The following PIP5K1A variants were observed in gnomAD, a reference collection of about 807,000 sequenced individuals.
The protein encoded by PIP5K1A is phosphatidylinositol 4-phosphate 5-kinase type-1 alpha.
In PIP5K1A, 46 loss-of-function variants were observed where a neutral mutation model predicts 72.9. The ratio of observed to expected loss-of-function variants is 0.63; its 90% CI spans 0.50 to 0.81. The LOEUF is 0.81. PIP5K1A is among the 30% of genes least tolerant of loss of function. The pLI, the probability that PIP5K1A is intolerant of heterozygous loss-of-function variation, is 0.00. For synonymous variants in PIP5K1A, 228 were observed against 255.1 expected (o/e 0.89, Z 1.01); for missense variants, 458 against 706.1 (o/e 0.65, Z 3.98).
chr1:151,199,149 A>AG (rs1684835794), intron 1 of PIP5K1A, 68 bp downstream of exon 1: 1 of 1,610,112 alleles, frequency 6.2e-7, no homozygotes, highest in Admixed American at 1.7e-5. Flanking sequence ...GCGAGACCTA[A>AG]GAGGGTACCT....
chr1:151,229,610 C>G (rs922924085), intron 4 of PIP5K1A, among the ~76,000 whole-genome samples: 5 of 151,396 alleles, frequency 3.3e-5, no homozygotes, highest in Non-Finnish European at 1.5e-5. Context: ...ATCTGCCTGT[C>G]TCGGCCTCCC....
At chr1:151,236,820 TC>T (rs372155760) in intron 9 of PIP5K1A, 57 bp downstream of exon 9, 100 of 916,474 alleles carry the variant, frequency 1.1e-4, no homozygotes, top group Non-Finnish European at 1.2e-4. Context: ...ACTTTTCTTT[TC>T]TTTTTTTTTT....
intron 1 of PIP5K1A, among the ~76,000 whole-genome samples, chr1:151,212,606 C>T (rs1052725596): frequency 6.6e-5 from 10 of 151,470 alleles, no homozygotes; most frequent in East Asian, 1.9e-4. Flanking sequence ...GACGGAGTCT[C>T]GCTCTGTCGC....
intron 14 of PIP5K1A, among the ~76,000 whole-genome samples, chr1:151,244,656 A>T (rs1383967983): frequency 6.6e-6 from 1 of 152,172 alleles, no homozygotes; most frequent in South Asian, 2.1e-4. Context: ...ACCCTGTCTC[A>T]AAAGAAAAAT....
chr1:151,230,594 T>C (rs888682438), intron 4 of PIP5K1A, among the ~76,000 whole-genome samples: 1 of 152,200 alleles, frequency 6.6e-6, no homozygotes, highest in African/African-American at 2.4e-5. Context: ...CAGGCTGGAA[T>C]GCAGTGGTGT....
Position 151,236,747 on chromosome 1 carries a change from A to G in PIP5K1A, c.1129A>G (p.Met377Val), listed in dbSNP as rs763740355. 5 of 1,612,188 alleles carry G rather than the reference A, an allele frequency of 3.1e-6. No individual in the cohort carries two copies. The highest frequency in any genetic ancestry group is 1.3e-5 in the African/African-American group (1 of 74,630). Residue 377 changes from methionine to valine, a missense_variant, in exon 9 of 16, where the codon ATG becomes GTG. By Grantham distance (21) the Met-to-Val change is conservative (BLOSUM62 1). Transcript: ENST00000368888. The stretch of plus-strand genomic sequence containing the variant: ...GGGAGAGGCTCGACGGGGTGGTACC[A>G]TGGAGACTGATGACCAGTAAGTGGG... Reference protein sequence around the residue: ...IQGEARRGGTMETDDHMGGIP... With the variant: ...IQGEARRGGTVETDDHMGGIP...
chr1:151,229,666 G>T (rs1570928607), intron 4 of PIP5K1A, among the ~76,000 whole-genome samples: 1 of 150,688 alleles, frequency 6.6e-6, no homozygotes, highest in East Asian at 2.0e-4. Flanking sequence ...CGGCCATTTA[G>T]CTCTTTTTAT....
chr1:151,224,148 T>TA (rs1688780278), intron 1 of PIP5K1A, 97 bp from the exon 2 acceptor site: 2 of 1,075,976 alleles, frequency 1.9e-6, no homozygotes, highest in South Asian at 2.5e-5. Flanking sequence ...AGTTTATACT[T>TA]ATGTTTAGTT....
chr1:151,226,591 T>A (rs1300923591), intron 3 of PIP5K1A, among the ~76,000 whole-genome samples: 2 of 151,284 alleles, frequency 1.3e-5, no homozygotes, highest in African/African-American at 2.4e-5. Flanking sequence ...TGCATTCCTG[T>A]AATCTCAGCT....
rs1318974667 is a variant in PIP5K1A at position 151,232,534 on chromosome 1, TTC to T, written c.487-13_487-12del. 3.1e-6 allele frequency: 5 copies of T among 1,592,266 alleles called. No individual in the cohort carries two copies. The African/African-American group carries it at 5.4e-5, about 17-fold the overall frequency. ...CTGATGTGTCTAAATCTCTTAGTTCTTCTCTGTTTGCCCCAGTATTCCCTCTG... is the reference window on the plus strand; with the variant it reads ...CTGATGTGTCTAAATCTCTTAGTTCTTCTGTTTGCCCCAGTATTCCCTCTG... On this transcript the variant is annotated splice_polypyrimidine_tract_variant and intron_variant, in intron 6 of 15. Transcript: ENST00000368888.
At chr1:151,226,748 C>T (rs1229908791) in intron 3 of PIP5K1A, among the ~76,000 whole-genome samples, 2 of 140,182 alleles carry the variant, frequency 1.4e-5, no homozygotes, top group African/African-American at 5.3e-5. Context: ...ATTTTCTGGC[C>T]GGGCATGGTG....
At chr1:151,201,876 G>A (rs1032062761) in intron 1 of PIP5K1A, among the ~76,000 whole-genome samples, 3 of 151,924 alleles carry the variant, frequency 2.0e-5, no homozygotes, top group African/African-American at 7.2e-5. Context: ...CAAAAAAAAG[G>A]GGGCAAAAAG....
intron 1 of PIP5K1A, among the ~76,000 whole-genome samples, chr1:151,217,474 C>G (rs1253475951): frequency 3.3e-5 from 5 of 152,184 alleles, no homozygotes; most frequent in Non-Finnish European, 5.9e-5. Flanking sequence ...AAGGAAACTT[C>G]TCCTTCTGAC....
Position 151,224,226 on chromosome 1 carries a change from G to GTT in PIP5K1A, c.86-11_86-10dup. 1.3e-6 allele frequency: 2 copies of GTT among 1,594,128 alleles called. No homozygotes were observed. The highest frequency in any genetic ancestry group is 1.7e-6 in the Non-Finnish European group (2 of 1,163,240). ...GAGTGTGTGATACACTCTTATGATT[G>GTT]TTTTTTTTTCCCCCCTAGCAGCATC... On this transcript the variant is annotated intron_variant, in intron 1 of 15. Transcript: ENST00000368888.
chr1:151,246,068 G>A (rs1275732827), intron 14 of PIP5K1A, among the ~76,000 whole-genome samples: 1 of 152,034 alleles, frequency 6.6e-6, no homozygotes, highest in African/African-American at 2.4e-5. Context: ...CCAACATGAT[G>A]AAACCCCATC....
chr1:151,203,660 C>T (rs893072699), intron 1 of PIP5K1A, among the ~76,000 whole-genome samples: 1 of 151,768 alleles, frequency 6.6e-6, no homozygotes, highest in African/African-American at 2.4e-5. Context: ...CCCGTCTCTA[C>T]TAAAAATACA....
Position 151,240,009 on chromosome 1 carries a change from A to C in PIP5K1A, c.1333A>C (p.Met445Leu), listed in dbSNP as rs944396523. 1.2e-6 allele frequency: 2 copies of C among 1,612,764 alleles called. No individual in the cohort carries two copies. The highest frequency in any genetic ancestry group is 1.7e-6 in the Non-Finnish European group (2 of 1,179,196). Residue 445 changes from methionine (M) to leucine (L), a missense_variant, in exon 12 of 16, where the codon ATG becomes CTG. Around this residue, in one of 3 missense-constraint regions of PIP5K1A, gnomAD observed 157 missense variants for 175.5 expected, o/e 0.89. Coordinates refer to ENST00000368888, the MANE Select transcript of PIP5K1A (RefSeq NM_001135638.2). ...CTACGCTGAACGGTTCCAGCGCTTC[A>C]TGTGCAACACAGTATTTAAGAAGAT... ...GFYAERFQRFMCNTVFKKIPL... is the reference protein window; with the variant it reads ...GFYAERFQRFLCNTVFKKIPL...
Position 151,209,465 on chromosome 1 carries a change from G to A in PIP5K1A, c.85+10384G>A, listed in dbSNP as rs587731619. 4.5e-3 allele frequency among the ~76,000 whole-genome samples: 625 copies of A among 139,350 alleles called. 4 individuals are homozygous for A. Among genetic ancestry groups the A allele is most frequent in the Middle Eastern group, 0.018 (4 of 228 alleles). 91.4% of individuals were successfully genotyped at this position (139,350 alleles called of 152,430 possible). A position where few individuals can be genotyped will look rare whatever the true frequency, so the allele number is the denominator to read the frequency against. The stretch of plus-strand genomic sequence containing the variant: ...TTTTTTTTTTTTTTTTTGAGATGGA[G>A]TTTTGCTCTTGTCGCCCAGGCTGGA... On this transcript the variant is annotated intron_variant, in intron 1 of 15. Coordinates refer to ENST00000368888, the MANE Select transcript of PIP5K1A (RefSeq NM_001135638.2).
intron 3 of PIP5K1A, 97 bp from the exon 4 acceptor site, chr1:151,227,223 A>G: frequency 1.4e-6 from 1 of 724,766 alleles, no homozygotes; most frequent in South Asian, 1.6e-5. Context: ...TCTAGAAAGA[A>G]TATGTTGTTT....
Sources: gnomAD v4.1 joint callset for allele counts (sites outside exome capture counted in the v4.1 genomes callset) on GRCh38, gnomAD v4.1.1 for gene constraint, gnomAD v4.1.1 regional missense constraint, MANE v1.5 for transcripts, NCBI Gene and HGNC (gene_info 2026-07-23, HGNC 2026-07-21) for gene names.